The following PARP9 variants were observed in gnomAD, a reference collection of about 807,000 sequenced individuals.
PARP9 encodes poly(ADP-ribose) polymerase family member 9.
A neutral mutation model predicts 68.8 loss-of-function variants in PARP9; 48 were observed. The observed-to-expected ratio is 0.70, with a 90% CI of 0.55 to 0.89. PARP9 has a LOEUF of 0.89. Among genes scored for constraint, PARP9 ranks in the 40% least tolerant of loss-of-function variants. The pLI is 0.00. For missense variants in PARP9, 806 were observed against 969.3 expected (o/e 0.83, Z 2.24); for synonymous variants, 309 against 333.8 (o/e 0.93, Z 0.81).
Position 122,559,659 on chromosome 3 carries a change from C to T in PARP9, c.-39G>A, listed in dbSNP as rs1576445013. On this transcript the variant is annotated 5_prime_UTR_variant, in exon 2 of 11. Transcript: ENST00000682323. Reference sequence around the variant, plus strand: ...GGGGGAGTCTTTAAATGTTTATTCCCTTTTGCGCTTCAAAGCATAGACTGT... The same window carrying T: ...GGGGGAGTCTTTAAATGTTTATTCCTTTTTGCGCTTCAAAGCATAGACTGT... 1 of 1,565,860 alleles carries T rather than the reference C, an allele frequency of 6.4e-7. No homozygotes were observed. Among genetic ancestry groups the T allele is most frequent in the Non-Finnish European group, 8.6e-7 (1 of 1,158,090 alleles).
chr3:122,528,611 T>C lies in PARP9; in HGVS notation c.2213A>G (p.Gln738Arg), dbSNP rs145344283. 3 of 1,614,126 alleles carry C rather than the reference T, an allele frequency of 1.9e-6. No homozygotes were observed. Among genetic ancestry groups the C allele is most frequent in the African/African-American group, 1.3e-5 (1 of 74,944 alleles). The change falls in exon 11 of 11, where the codon CAG (glutamine) becomes CGG (arginine). Residue 738 changes from glutamine (Q) to arginine (R), a missense_variant. Physicochemically the swap from Gln to Arg is conservative, Grantham distance 43. Around this residue, in one of 2 missense-constraint regions of PARP9, gnomAD observed 680 missense variants for 858.8 expected, o/e 0.79. Coordinates refer to ENST00000682323, the MANE Select transcript of PARP9 (RefSeq NM_001146105.2). ...EAEVLTGFFC[Q>R]GHPLNIVPPP... The stretch of plus-strand genomic sequence containing the variant: ...GGGAACAATATTTAACGGATGTCCC[T>C]GGCAGAAGAAGCCTGTGAGTACTTC...
At chr3:122,534,082 T>A (rs2077478376) in intron 10 of PARP9, 2 of 984,314 alleles carry the variant, frequency 2.0e-6, no homozygotes, top group Non-Finnish European at 2.4e-6. Context: ...GCTGTTAAGC[T>A]AAGGGATAGG....
At chr3:122,554,468 CAA>C (rs2079469646) in intron 4 of PARP9, among the ~76,000 whole-genome samples, 1 of 152,052 alleles carries the variant, frequency 6.6e-6, no homozygotes, top group African/African-American at 2.4e-5. Context: ...TCCTTGGGAT[CAA>C]AGATTGTTCT....
At chr3:122,556,456 T>C (rs907723945) in intron 3 of PARP9, among the ~76,000 whole-genome samples, 1 of 152,138 alleles carries the variant, frequency 6.6e-6, no homozygotes, top group African/African-American at 2.4e-5. Flanking sequence ...TAAAAATATA[T>C]ATAAAAGTGG....
chr3:122,552,722 G>T, intron 4 of PARP9, 83 bp from the exon 5 acceptor site: 2 of 1,034,204 alleles, frequency 1.9e-6, no homozygotes, highest in East Asian at 2.5e-5. Context: ...TCCCTGAAGA[G>T]CTTTGAAAAA....
intron 10 of PARP9, chr3:122,534,140 G>T: frequency 1.2e-6 from 1 of 860,920 alleles, no homozygotes; most frequent in Non-Finnish European, 1.4e-6. Context: ...AAAATCTTGA[G>T]TTGAAAGACT....
chr3:122,540,534 A>G lies in PARP9; in HGVS notation c.1703T>C (p.Met568Thr), dbSNP rs777292337. The change falls in exon 8 of 11, where the codon ATG (methionine) becomes ACG (threonine). Residue 568 changes from methionine (M) to threonine (T), a missense_variant. Coordinates refer to ENST00000682323, the MANE Select transcript of PARP9 (RefSeq NM_001146105.2). The part of the protein sequence containing the change: ...LIEVVMNIED[M>T]LCKVQEEMAR... ...CATTTCCTCCTGTACTTTACAAAGC[A>G]TATCTTCAATGTTCATAACCACCTC... The G allele has an allele frequency of 5.6e-6, 9 of 1,614,094 alleles. No homozygotes were observed. The highest frequency in any genetic ancestry group is 2.2e-5 in the South Asian group (2 of 91,082).
intron 6 of PARP9, among the ~76,000 whole-genome samples, chr3:122,548,074 C>T (rs2078906081): frequency 6.6e-6 from 1 of 152,214 alleles, no homozygotes; most frequent in Non-Finnish European, 1.5e-5. Context: ...CATACAATGA[C>T]TCAAGACAGC....
chr3:122,559,152 A>G (rs918469187), intron 2 of PARP9, among the ~76,000 whole-genome samples: 5 of 152,218 alleles, frequency 3.3e-5, no homozygotes, highest in African/African-American at 1.2e-4. Flanking sequence ...GGGTTTCTCT[A>G]GACAGAAGAC....
intron 7 of PARP9, among the ~76,000 whole-genome samples, chr3:122,544,647 T>C (rs981159805): frequency 1.5e-4 from 22 of 151,702 alleles, no homozygotes; most frequent in African/African-American, 4.8e-4. Context: ...CGAAACCCCG[T>C]CTCTACCAAA....
At chr3:122,558,406 A>G in intron 3 of PARP9, 28 bp downstream of exon 3, 1 of 1,614,166 alleles carries the variant, frequency 6.2e-7, no homozygotes. Context: ...GACTTTCTGA[A>G]ACAAGAGTGA....
rs1040670198 is a variant in PARP9 at position 122,564,286 on chromosome 3, G to A, written c.-131C>T. On this transcript the variant is annotated 5_prime_UTR_variant, in exon 1 of 11. Coordinates refer to ENST00000682323, the MANE Select transcript of PARP9 (RefSeq NM_001146105.2). ...CTCGGTGCAGACAGCACAGGGAGGA[G>A]GGGGAAGCGGCTCTGCCGGGAACAG... is the stretch of plus-strand genomic sequence containing the variant. 9.5e-7 allele frequency: 1 copy of A among 1,047,782 alleles called. No individual in the cohort carries two copies. The allele number at this position is 1,047,782 out of a possible 1,614,324, so 64.9% of individuals were successfully genotyped here.
At chr3:122,546,453 T>C (rs141329496) in intron 6 of PARP9, among the ~76,000 whole-genome samples, 17 of 152,352 alleles carry the variant, frequency 1.1e-4, no homozygotes, top group Admixed American at 3.3e-4. Context: ...TAGGCAAATA[T>C]AAGTGTTCTG....
chr3:122,562,229 C>T (rs1023552963), intron 1 of PARP9, among the ~76,000 whole-genome samples: 1 of 149,460 alleles, frequency 6.7e-6, no homozygotes, highest in East Asian at 1.9e-4. Flanking sequence ...CTTACTCTGT[C>T]GCCCAGGCTG....
chr3:122,537,516 A>T (rs1458072275), intron 8 of PARP9, among the ~76,000 whole-genome samples: 1 of 152,224 alleles, frequency 6.6e-6, no homozygotes, highest in Admixed American at 6.5e-5. Flanking sequence ...TCCTTATTTG[A>T]TCATTATAGC....
chr3:122,564,411 C>T (rs1386197525), upstream of PARP9: 1 of 1,602,134 alleles, frequency 6.2e-7, no homozygotes, highest in Non-Finnish European at 8.5e-7. Flanking sequence ...CCCGCGCCCT[C>T]CCGACGCGCA....
chr3:122,534,261 A>G (rs1281906935), intron 10 of PARP9: 1 of 940,084 alleles, frequency 1.1e-6, no homozygotes, highest in Non-Finnish European at 1.3e-6. Flanking sequence ...AAGAAACCAC[A>G]AGCCTGGTTG....
intron 10 of PARP9, among the ~76,000 whole-genome samples, chr3:122,530,277 G>T (rs1332056166): frequency 6.6e-6 from 1 of 151,618 alleles, no homozygotes; most frequent in African/African-American, 2.4e-5. Flanking sequence ...TTTAGGAAAA[G>T]CACTCCTGGA....
intron 10 of PARP9, among the ~76,000 whole-genome samples, chr3:122,531,096 A>G (rs989850389): frequency 1.7e-4 from 26 of 152,188 alleles, no homozygotes; most frequent in African/African-American, 6.3e-4. Context: ...TAGGTCTTTG[A>G]AATCCGGTGT....
Sources: allele counts gnomAD v4.1 joint callset (sites outside exome capture counted in the v4.1 genomes callset), GRCh38; gene constraint gnomAD v4.1.1; regional missense constraint gnomAD v4.1.1; transcripts MANE v1.5; gene names NCBI Gene and HGNC (gene_info 2026-07-23, HGNC 2026-07-21).